Variants in UNC5D observed in about 807,000 individuals in gnomAD.
The protein encoded by UNC5D is netrin receptor UNC5D.
A neutral mutation model predicts 105.4 loss-of-function variants in UNC5D; 39 were observed. The observed-to-expected ratio is 0.37, with a 90% CI of 0.29 to 0.48. UNC5D has a LOEUF of 0.48. UNC5D is among the 20% of genes least tolerant of loss of function. UNC5D has a pLI of 0.98. For missense variants in UNC5D, 991 were observed against 1,202.4 expected, an observed-to-expected ratio of 0.82 and a Z score of 2.60; for synonymous variants, 452 against 450.4, an observed-to-expected ratio of 1.00 and a Z score of -0.04.
chr8:35,388,100 G>A (rs1327062677), intron 1 of UNC5D, among the ~76,000 whole-genome samples: 1 of 152,096 alleles, frequency 6.6e-6, no homozygotes, highest in East Asian at 1.9e-4. Context: ...TTGGTGGGGT[G>A]CGGTGGCTCA....
chr8:35,364,894 A>G (rs561539000), intron 1 of UNC5D, among the ~76,000 whole-genome samples: 2 of 152,282 alleles, frequency 1.3e-5, no homozygotes, highest in Admixed American at 6.5e-5. Context: ...TTTCTAACCC[A>G]TACCCCTGTG....
At chr8:35,242,457 C>T (rs1306776358) in intron 1 of UNC5D, among the ~76,000 whole-genome samples, 1 of 151,948 alleles carries the variant, frequency 6.6e-6, no homozygotes, top group African/African-American at 2.4e-5. Context: ...CAGGTGTTGG[C>T]AGCTTATTAT....
intron 4 of UNC5D, among the ~76,000 whole-genome samples, chr8:35,657,593 T>C (rs753342760): frequency 1.6e-4 from 25 of 152,124 alleles, no homozygotes; most frequent in Non-Finnish European, 3.7e-4. Context: ...CAAATGATCC[T>C]CCCACCTCAG....
intron 1 of UNC5D, among the ~76,000 whole-genome samples, chr8:35,434,743 G>A (rs964290021): frequency 6.6e-6 from 1 of 152,054 alleles, no homozygotes; most frequent in Non-Finnish European, 1.5e-5. Context: ...AAATTTAAAA[G>A]CAAGTTAGGA....
Position 35,598,588 on chromosome 8 carries a change from A to G in UNC5D, c.570+2931A>G, listed in dbSNP as rs115375593. On this transcript the variant is annotated intron_variant, in intron 4 of 16. Coordinates refer to ENST00000404895, the MANE Select transcript of UNC5D (RefSeq NM_080872.4). Reference sequence around the variant, plus strand: ...AATGAAATCAATATGTAGAAGAGATACCTGCACCCCCATGTTCATTGCAGC... The same window carrying G: ...AATGAAATCAATATGTAGAAGAGATGCCTGCACCCCCATGTTCATTGCAGC... Among the ~76,000 whole-genome samples the G allele has an allele frequency of 5.3e-3, 807 of 152,322 alleles. 10 individuals are homozygous for G. The highest frequency in any genetic ancestry group is 0.018 in the African/African-American group (728 of 41,570).
At chr8:35,653,074 C>T (rs763224363) in intron 4 of UNC5D, among the ~76,000 whole-genome samples, 1 of 151,926 alleles carries the variant, frequency 6.6e-6, no homozygotes, top group Non-Finnish European at 1.5e-5. Context: ...GGAATACAGG[C>T]ACATGCCACC....
intron 1 of UNC5D, among the ~76,000 whole-genome samples, chr8:35,520,955 C>T (rs1364482454): frequency 2.0e-5 from 3 of 152,108 alleles, no homozygotes; most frequent in African/African-American, 7.2e-5. Context: ...TTCCATACAG[C>T]CTTCTCTTTT....
chr8:35,315,678 T>C (rs772541630), intron 1 of UNC5D, among the ~76,000 whole-genome samples: 3 of 152,220 alleles, frequency 2.0e-5, no homozygotes, highest in African/African-American at 4.8e-5. Flanking sequence ...GCCAATTTTG[T>C]AGTTTATTGC....
intron 7 of UNC5D, among the ~76,000 whole-genome samples, chr8:35,701,965 A>C (rs1357922099): frequency 6.6e-6 from 1 of 150,438 alleles, no homozygotes; most frequent in East Asian, 1.9e-4. Context: ...TAACTGTGTA[A>C]GGATAAAAAT....
At chr8:35,621,139 C>T (rs1048609011) in intron 4 of UNC5D, among the ~76,000 whole-genome samples, 11 of 152,270 alleles carry the variant, frequency 7.2e-5, no homozygotes, top group African/African-American at 2.6e-4. Flanking sequence ...GCTGAGAATC[C>T]TTGAGACTCT....
chr8:35,689,771 G>T (rs768835739), intron 7 of UNC5D, among the ~76,000 whole-genome samples: 1 of 152,102 alleles, frequency 6.6e-6, no homozygotes, highest in East Asian at 1.9e-4. Flanking sequence ...ATGGAGGGCC[G>T]TCTGCTTTTT....
intron 1 of UNC5D, among the ~76,000 whole-genome samples, chr8:35,304,396 G>A (rs1808185230): frequency 6.6e-6 from 1 of 152,120 alleles, no homozygotes; most frequent in Admixed American, 6.6e-5. Flanking sequence ...GCGGAATGTT[G>A]TTTTTGTATG....
At position 35,287,068 on chromosome 8, in the gene UNC5D, G is replaced by A. The variant is rs117620432; in HGVS notation, c.103+51181G>A. ...GCAGCTCAGCCCAATTATAGAACCT[G>A]ACACCAAGCAAAGGCTGCCAGCCAC... On this transcript the variant is annotated intron_variant, in intron 1 of 16. Transcript: ENST00000404895. 1.5e-4 allele frequency among the ~76,000 whole-genome samples: 23 copies of A among 152,248 alleles called. No individual in the cohort carries two copies. The East Asian group carries it at 4.5e-3, about 29-fold the overall frequency.
Position 35,549,288 on chromosome 8 carries a change from A to G in UNC5D, c.104-4A>G. ...GTGTTCTGATGTCTTTTTTGATTTC[A>G]CAGGAACTGACAATGGCGAAGCCCT... On this transcript the variant is annotated splice_polypyrimidine_tract_variant and splice_region_variant and intron_variant, in intron 1 of 16. Transcript: ENST00000404895. The G allele has an allele frequency of 6.2e-7, 1 of 1,612,256 alleles. No homozygotes were observed. The highest frequency in any genetic ancestry group is 8.5e-7 in the Non-Finnish European group (1 of 1,179,868).
chr8:35,315,650 G>A (rs1266235662), intron 1 of UNC5D, among the ~76,000 whole-genome samples: 1 of 152,146 alleles, frequency 6.6e-6, no homozygotes, highest in Admixed American at 6.6e-5. Context: ...CATTTTAAGG[G>A]GAGCGAAAGC....
chr8:35,536,019 C>T (rs746762017), intron 1 of UNC5D, among the ~76,000 whole-genome samples: 3 of 152,168 alleles, frequency 2.0e-5, no homozygotes, highest in Non-Finnish European at 2.9e-5. Flanking sequence ...TTGAATCTAG[C>T]TCTGTCTTAA....
intron 8 of UNC5D, among the ~76,000 whole-genome samples, chr8:35,709,866 C>T (rs996917131): frequency 6.6e-6 from 1 of 151,866 alleles, no homozygotes; most frequent in East Asian, 1.9e-4. Flanking sequence ...CAAAAGGAGA[C>T]CAGGATGTCT....
chr8:35,338,842 T>G (rs183402843), intron 1 of UNC5D, among the ~76,000 whole-genome samples: 22 of 152,314 alleles, frequency 1.4e-4, no homozygotes, highest in Non-Finnish European at 2.9e-5. Context: ...CCCTGAATTC[T>G]ATTCCTCACC....
At chr8:35,598,813 A>C (rs943566805) in intron 4 of UNC5D, among the ~76,000 whole-genome samples, 6 of 152,164 alleles carry the variant, frequency 3.9e-5, no homozygotes, top group Admixed American at 3.9e-4. Flanking sequence ...CAGTAAGAAA[A>C]ATACCACGGG....
Sources: allele counts gnomAD v4.1 joint callset (sites outside exome capture counted in the v4.1 genomes callset), GRCh38; gene constraint gnomAD v4.1.1; transcripts MANE v1.5; gene names NCBI Gene and HGNC (gene_info 2026-07-23, HGNC 2026-07-21).